The following C3 variants were observed in gnomAD, a reference collection of about 807,000 sequenced individuals.
C3 encodes complement C3.
A neutral mutation model predicts 207.9 loss-of-function variants in C3; 97 were observed. The ratio of observed to expected loss-of-function variants is 0.47; its 90% CI spans 0.40 to 0.55. The LOEUF (loss-of-function observed/expected upper bound fraction) is 0.55, where lower values mean the gene tolerates loss of function less well. Ranked by LOEUF, C3 falls within the 20% of genes least tolerant of loss-of-function variation. C3 has a pLI of 0.00. For missense variants in C3, 1,684 were observed against 2,171.7 expected (o/e 0.78, Z 4.46); for synonymous variants, 848 against 857.6 (o/e 0.99, Z 0.20).
At chr19:6,702,075 C>G in intron 19 of C3, 52 bp downstream of exon 19, 3 of 943,632 alleles carry the variant, frequency 3.2e-6, no homozygotes, top group Non-Finnish European at 5.2e-6. Flanking sequence ...AGATGACACT[C>G]AGACACCCTG....
In C3 at chr19:6,707,877, T is replaced by C. The variant is rs140655115; in HGVS notation, c.1898A>G (p.Lys633Arg). The change falls in exon 15 of 41, where the codon AAG (lysine) becomes AGG (arginine). Residue 633 changes from lysine to arginine, a missense_variant. Lys to Arg is a conservative substitution (Grantham distance 26, BLOSUM62 2). Around this residue, in one of 3 missense-constraint regions of C3, gnomAD observed 1,280 missense variants for 1,739.1 expected, o/e 0.74. Transcript: ENST00000245907. ...ADIGCTPGSG[K>R]DYAGVFSDAG... ...GTCGGAGAAGACACCGGCGTAATCC[T>C]TCCCACTGCCCGGGGTGCAGCCGAT... The C allele has an allele frequency of 8.0e-4, 1,284 of 1,614,010 alleles. No homozygotes were observed. Among genetic ancestry groups the C allele is most frequent in the Non-Finnish European group, 1.0e-3 (1,188 of 1,180,008 alleles).
intron 17 of C3, among the ~76,000 whole-genome samples, chr19:6,704,009 G>C (rs1452264469): frequency 6.6e-6 from 1 of 152,088 alleles, no homozygotes; most frequent in Non-Finnish European, 1.5e-5. Context: ...CGATAGGCTG[G>C]ATGTGGTGCT....
rs113847049 is a variant in C3 at position 6,686,745 on chromosome 19, C to G, written c.3646+1G>C. On this transcript the variant is annotated splice_donor_variant, in intron 28 of 40. Transcript: ENST00000245907. LOFTEE classifies it high-confidence loss of function. ...CTTCACCCCTCCAGGCCAACCCTCA[C>G]CTTTGGCTGTGGTCAGAAATTTGTT... The G allele has an allele frequency of 6.2e-7, 1 of 1,613,746 alleles. No homozygotes were observed. The highest frequency in any genetic ancestry group is 1.7e-5 in the Admixed American group (1 of 60,020).
chr19:6,718,884 G>A (rs1968102510), intron 2 of C3, among the ~76,000 whole-genome samples: 1 of 142,838 alleles, frequency 7.0e-6, no homozygotes, highest in Non-Finnish European at 1.5e-5. Flanking sequence ...AAGGGGTGGG[G>A]TCTCAGGGAA....
At chr19:6,715,861 G>A (rs377210250) in intron 4 of C3, among the ~76,000 whole-genome samples, 1 of 151,958 alleles carries the variant, frequency 6.6e-6, no homozygotes, top group Non-Finnish European at 1.5e-5. Context: ...TCCTGACCTC[G>A]TGATCTGCCC....
In C3 at chr19:6,709,800, G is replaced by T; in HGVS notation, c.1729C>A (p.Pro577Thr). 1 of 1,614,002 alleles carries T rather than the reference G, an allele frequency of 6.2e-7. No homozygotes were observed. Among genetic ancestry groups the T allele is most frequent in the Non-Finnish European group, 8.5e-7 (1 of 1,180,032 alleles). ...SGQSEDRQPV[P>T]GQQMTLKIEG... ...ATCTTCAGGGTCATCTGCTGCCCAG[G>T]TACAGGCTGCCGGTCTTCTGACTGG... The change falls in exon 14 of 41, where the codon CCT becomes ACT. Residue 577 changes from proline to threonine, a missense_variant. Pro to Thr is a conservative substitution (Grantham distance 38, BLOSUM62 -1). Around this residue, in one of 3 missense-constraint regions of C3, gnomAD observed 1,280 missense variants for 1,739.1 expected, o/e 0.74. Coordinates refer to ENST00000245907, the MANE Select transcript of C3 (RefSeq NM_000064.4).
At chr19:6,679,101 G>A (rs769072644) in intron 38 of C3, 24 bp downstream of exon 38, 4 of 1,574,394 alleles carry the variant, frequency 2.5e-6, no homozygotes, top group Non-Finnish European at 3.5e-6. Flanking sequence ...AAACATGCGT[G>A]ACCCCCACCC....
At chr19:6,680,299 T>C in intron 35 of C3, 36 bp from the exon 36 acceptor site, 1 of 1,093,724 alleles carries the variant, frequency 9.1e-7, no homozygotes, top group Non-Finnish European at 1.4e-6. Context: ...AGTGGGGTGA[T>C]GTGGGAGGGA....
chr19:6,679,492 T>C lies in C3; in HGVS notation c.4461A>G (p.Glu1487=), dbSNP rs1917804120. The stretch of plus-strand genomic sequence containing the variant: ...CCGGATGGTAGAACCGGGTACAGCT[T>C]TCCTCTGCGGGCAGATGTGATGTGA... ...VKVYAYYNLE[E]SCTRFYHPEK... Residue 1487 remains glutamate (E), a synonymous_variant, in exon 37 of 41, where the codon GAA becomes GAG. Coordinates refer to ENST00000245907, the MANE Select transcript of C3 (RefSeq NM_000064.4). The C allele has an allele frequency of 6.2e-7, 1 of 1,610,624 alleles. No homozygotes were observed. The highest frequency in any genetic ancestry group is 8.5e-7 in the Non-Finnish European group (1 of 1,176,776).
intron 26 of C3, among the ~76,000 whole-genome samples, chr19:6,691,986 TCAAACACA>T (rs1228215323): frequency 8.4e-6 from 1 of 118,398 alleles, no homozygotes; most frequent in African/African-American, 3.3e-5. Context: ...AAACTCCATC[TCAAACACA>T]CACACACACA....
At position 6,678,214 on chromosome 19, in the gene C3, C is replaced by T; in HGVS notation, c.4788G>A (p.Leu1596=). 1.2e-6 allele frequency: 2 copies of T among 1,614,184 alleles called. No individual in the cohort carries two copies. The highest frequency in any genetic ancestry group is 1.1e-5 in the South Asian group (1 of 91,088). The change falls in exon 40 of 41, where the codon CTG becomes CTA. Residue 1596 remains leucine, a synonymous_variant. Transcript: ENST00000245907. ...ACATGAGGTAGTGTTTCTTCTCCTC[C>T]AGCTTCAGGGCTTCTCTGCACTTGA... ...SPIKCREALK[L]EEKKHYLMWG... is the part of the protein sequence containing the mutation.
At position 6,714,185 on chromosome 19, in the gene C3, C is replaced by T; in HGVS notation, c.663G>A (p.Glu221=). Residue 221 remains glutamate, a synonymous_variant, in exon 6 of 41, where the codon GAG becomes GAA. Transcript: ENST00000245907. Reference sequence around the variant, plus strand: ...TCTTACCGTACTCCTTCACCTCAAACTCAGTGGAGAAGACCTGCTGTGGTG... The same window carrying T: ...TCTTACCGTACTCCTTCACCTCAAATTCAGTGGAGAAGACCTGCTGTGGTG... ...ENSPQQVFST[E]FEVKEYVLPS... is the part of the protein sequence containing the mutation. 6.2e-7 allele frequency: 1 copy of T among 1,613,776 alleles called. No individual in the cohort carries two copies. The highest frequency in any genetic ancestry group is 1.1e-5 in the South Asian group (1 of 91,084).
chr19:6,694,282 G>C, intron 24 of C3, 149 bp downstream of exon 24: 1 of 692,304 alleles, frequency 1.4e-6, no homozygotes, highest in Admixed American at 2.3e-5. Context: ...GTAGCCTTGA[G>C]AAGAGGTGGG....
intron 17 of C3, among the ~76,000 whole-genome samples, chr19:6,704,677 T>G (rs1967737335): frequency 6.6e-6 from 1 of 151,966 alleles, no homozygotes; most frequent in Non-Finnish European, 1.5e-5. Context: ...GAGAATCACT[T>G]GAACACGGGA....
rs1174861764 is a variant in C3 at position 6,712,266 on chromosome 19, C to T, written c.1260G>A (p.Leu420=). The T allele has an allele frequency of 1.2e-6, 2 of 1,613,850 alleles. No homozygotes were observed. Among genetic ancestry groups the T allele is most frequent in the Admixed American group, 3.3e-5 (2 of 60,026 alleles). The part of the protein sequence containing the change: ...SINTHPSQKP[L]SITVRTKKQE... ...CTGGGCCCAGACGCACCGTGATGCT[C>T]AAGGGCTTCTGGCTGGGGTGTGTGT... The change falls in exon 11 of 41, where the codon TTG becomes TTA. Residue 420 remains leucine (L), a synonymous_variant. Coordinates refer to ENST00000245907, the MANE Select transcript of C3 (RefSeq NM_000064.4).
intron 17 of C3, among the ~76,000 whole-genome samples, chr19:6,705,914 T>C (rs1264492053): frequency 1.3e-5 from 2 of 151,690 alleles, no homozygotes; most frequent in African/African-American, 4.8e-5. Flanking sequence ...CCTCAAGTGA[T>C]CCATCCACCT....
In C3 at chr19:6,697,418, G is replaced by GC; in HGVS notation, c.2721dup (p.Gln908AlafsTer16). 3 of 1,613,988 alleles carry GC rather than the reference G, an allele frequency of 1.9e-6. No individual in the cohort carries two copies. The highest frequency in any genetic ancestry group is 2.5e-6 in the Non-Finnish European group (3 of 1,180,008). On this transcript the variant is annotated frameshift_variant, in exon 21 of 41. Transcript: ENST00000245907. LOFTEE classifies it high-confidence loss of function. ...ACAGCAGCCTTGACTTCCACTTCCTGCAGGCCGGTCTTTAGCGGCACGATG... is the reference window on the plus strand; with the variant it reads ...ACAGCAGCCTTGACTTCCACTTCCTGCCAGGCCGGTCTTTAGCGGCACGATG...
rs146130553 is a variant in C3, at chr19:6,714,428, C to A, written c.523G>T (p.Val175Phe). 6.2e-7 allele frequency: 1 copy of A among 1,613,538 alleles called. No individual in the cohort carries two copies. The highest frequency in any genetic ancestry group is 1.3e-5 in the African/African-American group (1 of 74,944). The part of the protein sequence containing the change: ...VNIENPEGIP[V>F]KQDSLSSQNQ... ...TGAGAAGACAAGGAGTCCTGCTTGA[C>A]CGGGATGCCTTCCGGGTTCTGTGGG... The change falls in exon 5 of 41, where the codon GTC becomes TTC. Residue 175 changes from valine to phenylalanine, a missense_variant. This residue lies in a region of C3 where 1,280 missense variants were observed against 1,739.1 expected (regional missense o/e 0.74). Coordinates refer to ENST00000245907, the MANE Select transcript of C3 (RefSeq NM_000064.4).
chr19:6,691,399 G>A (rs1381952048), intron 26 of C3, among the ~76,000 whole-genome samples: 3 of 152,172 alleles, frequency 2.0e-5, no homozygotes, highest in Non-Finnish European at 4.4e-5. Flanking sequence ...AAGGGAAAGA[G>A]GACATCGCAG....
Sources: gnomAD v4.1 joint callset for allele counts (sites outside exome capture counted in the v4.1 genomes callset) on GRCh38, gnomAD v4.1.1 for gene constraint, gnomAD v4.1.1 regional missense constraint, MANE v1.5 for transcripts, NCBI Gene and HGNC (gene_info 2026-07-23, HGNC 2026-07-21) for gene names.